The following FAM220A variants were observed in gnomAD, a reference collection of about 807,000 sequenced individuals.
FAM220A encodes the protein family with sequence similarity 220 member A, also known as protein FAM220A.
For synonymous variants in FAM220A, 141 were observed against 130.7 expected, an observed-to-expected ratio of 1.08 and a Z score of -0.54; for missense variants, 392 against 321.6, an observed-to-expected ratio of 1.22 and a Z score of -1.68.
chr7:6,339,693 G>A lies in FAM220A; in HGVS notation c.-81-8458C>T, dbSNP rs921255313. ...AGAGACAGGGTTTCACCATGGTCTCGATCTCCTGACCTCATGATCCACCCA... is the reference window on the plus strand; with the variant it reads ...AGAGACAGGGTTTCACCATGGTCTCAATCTCCTGACCTCATGATCCACCCA... On this transcript the variant is annotated intron_variant, in intron 1 of 1. Transcript: ENST00000313324. Among the ~76,000 whole-genome samples the A allele has an allele frequency of 4.6e-5, 7 of 151,814 alleles. No individual in the cohort carries two copies. In the South Asian group the frequency reaches 1.0e-3, roughly 23 times the overall value.
chr7:6,346,682 G>A (rs1316569778), intron 1 of FAM220A, among the ~76,000 whole-genome samples: 1 of 152,142 alleles, frequency 6.6e-6, no homozygotes, highest in Non-Finnish European at 1.5e-5. Flanking sequence ...ACTGTGCCCA[G>A]CCATCTTAAC....
chr7:6,336,074 G>A (rs1307563834), intron 1 of FAM220A, among the ~76,000 whole-genome samples: 1 of 151,746 alleles, frequency 6.6e-6, no homozygotes, highest in East Asian at 1.9e-4. Context: ...TCAGGAGGCT[G>A]AGGCAGGACA....
chr7:6,347,812 G>A (rs902582017), intron 1 of FAM220A, among the ~76,000 whole-genome samples: 1 of 151,382 alleles, frequency 6.6e-6, no homozygotes, highest in Non-Finnish European at 1.5e-5. Context: ...TCCCAGCACT[G>A]GGAGGCCAAG....
chr7:6,336,247 G>A (rs996877611), intron 1 of FAM220A, among the ~76,000 whole-genome samples: 2 of 151,900 alleles, frequency 1.3e-5, no homozygotes, highest in African/African-American at 4.8e-5. Flanking sequence ...TTGAGAGGCT[G>A]AGGTAGGAGA....
intron 1 of FAM220A, among the ~76,000 whole-genome samples, chr7:6,331,796 A>C (rs1781642014): frequency 6.9e-6 from 1 of 144,088 alleles, no homozygotes; most frequent in Non-Finnish European, 1.5e-5. Context: ...GCTGGAGTGC[A>C]ATGGCACGAT....
At chr7:6,346,524 T>A (rs1781953457) in intron 1 of FAM220A, among the ~76,000 whole-genome samples, 1 of 151,996 alleles carries the variant, frequency 6.6e-6, no homozygotes, top group South Asian at 2.1e-4. Flanking sequence ...ACGCCACCAC[T>A]GCCCGGCCAC....
chr7:6,341,302 G>C (rs1781852685), intron 1 of FAM220A, among the ~76,000 whole-genome samples: 1 of 151,526 alleles, frequency 6.6e-6, no homozygotes, highest in Non-Finnish European at 1.5e-5. Context: ...AATTGGCTGG[G>C]CCTGGTGGCG....
At position 6,348,923 on chromosome 7, in the gene FAM220A, G is replaced by A. The variant is rs373261367; in HGVS notation, c.-432C>T. 2 of 384,380 alleles carry A rather than the reference G, an allele frequency of 5.2e-6. No homozygotes were observed. The highest frequency in any genetic ancestry group is 3.8e-5 in the East Asian group (1 of 26,662). 23.8% of individuals were successfully genotyped at this position (384,380 alleles called of 1,614,324 possible). A position where few individuals can be genotyped will look rare whatever the true frequency, so the allele number is the denominator to read the frequency against. On this transcript the variant is annotated 5_prime_UTR_variant, in exon 1 of 2. Transcript: ENST00000313324. ...GAGTCCGCACGTCACGCTCGGAGAA[G>A]TGCCTCCGCGAGCAGCCGCCTGTAC...
chr7:6,346,180 A>C (rs1781947987), intron 1 of FAM220A, among the ~76,000 whole-genome samples: 1 of 152,062 alleles, frequency 6.6e-6, no homozygotes. Context: ...GAAGGTGGTA[A>C]CTGGGGAGGG....
intron 1 of FAM220A, among the ~76,000 whole-genome samples, chr7:6,336,682 C>CAA (rs35524069): frequency 1.2e-4 from 15 of 122,954 alleles, no homozygotes; most frequent in African/African-American, 4.2e-4. Context: ...AGACTTTGTC[C>CAA]AAAAAAAAAA....
At chr7:6,345,053 G>A (rs1024595856) in intron 1 of FAM220A, among the ~76,000 whole-genome samples, 1 of 151,886 alleles carries the variant, frequency 6.6e-6, no homozygotes, top group African/African-American at 2.4e-5. Context: ...CACTGCGCCC[G>A]GCCAGAGTTT....
chr7:6,336,958 T>G (rs1344155850), intron 1 of FAM220A, among the ~76,000 whole-genome samples: 1 of 152,140 alleles, frequency 6.6e-6, no homozygotes, highest in African/African-American at 2.4e-5. Flanking sequence ...CTGGCCATAT[T>G]CTTTCAAACC....
chr7:6,335,724 A>G (rs1042958516), intron 1 of FAM220A, among the ~76,000 whole-genome samples: 2 of 152,122 alleles, frequency 1.3e-5, no homozygotes, highest in Admixed American at 6.6e-5. Flanking sequence ...CCATTATTCT[A>G]TATAATTCAC....
chr7:6,348,241 G>A (rs938607526), intron 1 of FAM220A, among the ~76,000 whole-genome samples: 35 of 150,598 alleles, frequency 2.3e-4, no homozygotes, highest in African/African-American at 7.3e-4. Flanking sequence ...AAGGGGGGGG[G>A]TTGCAAAGTT....
At chr7:6,332,921 G>A (rs1305073354) in intron 1 of FAM220A, among the ~76,000 whole-genome samples, 1 of 152,140 alleles carries the variant, frequency 6.6e-6, no homozygotes, top group Non-Finnish European at 1.5e-5. Flanking sequence ...AGCACTTTGG[G>A]AGGCCAAGGC....
rs537799196 is a variant in FAM220A at position 6,336,714 on chromosome 7, C to T, written c.-81-5479G>A. ...AAAAAAAAAAGCTGGAGTGCAATGG[C>T]ACAGTCACGGCTCACTGCAGCCTCG... On this transcript the variant is annotated intron_variant, in intron 1 of 1. Transcript: ENST00000313324. Among the ~76,000 whole-genome samples, 8 of 151,290 alleles carry T rather than the reference C, an allele frequency of 5.3e-5. No homozygotes were observed. In the South Asian group the frequency reaches 1.2e-3, roughly 24 times the overall value.
chr7:6,339,035 A>T (rs1349489644), intron 1 of FAM220A, among the ~76,000 whole-genome samples: 1 of 152,188 alleles, frequency 6.6e-6, no homozygotes, highest in Non-Finnish European at 1.5e-5. Flanking sequence ...GGTAGCAGAA[A>T]CAAACCCCCG....
Position 6,330,667 on chromosome 7 carries a change from T to G in FAM220A, c.488A>C (p.Glu163Ala). ...TGGGTCATCCTGAAAACTTCCCATT[T>G]CCGGCACTTTTTGATGGCGTGGCAG... ...SRLPRHQKVP[E>A]MGSFQDDPPS... is the part of the protein sequence containing the mutation. The change falls in exon 2 of 2, where the codon GAA (glutamate) becomes GCA (alanine). Residue 163 changes from glutamate (E) to alanine (A), a missense_variant. Coordinates refer to ENST00000313324, the MANE Select transcript of FAM220A (RefSeq NM_001037163.2). 1.2e-6 allele frequency: 2 copies of G among 1,614,106 alleles called. No homozygotes were observed. The highest frequency in any genetic ancestry group is 1.7e-6 in the Non-Finnish European group (2 of 1,180,026).
At chr7:6,337,304 T>C (rs893543715) in intron 1 of FAM220A, among the ~76,000 whole-genome samples, 2 of 152,042 alleles carry the variant, frequency 1.3e-5, no homozygotes, top group Admixed American at 1.3e-4. Flanking sequence ...GTATTTTGAG[T>C]AGATATGGGG....
Sources: allele counts gnomAD v4.1 joint callset (sites outside exome capture counted in the v4.1 genomes callset), GRCh38; gene constraint gnomAD v4.1.1; transcripts MANE v1.5; gene names NCBI Gene and HGNC (gene_info 2026-07-23, HGNC 2026-07-21).